The following CAPS2 variants were observed in gnomAD, a reference collection of about 807,000 sequenced individuals.
The protein encoded by CAPS2 is calcyphosin-2.
CAPS2 carries 98 observed loss-of-function variants against 86.5 expected under a neutral mutation model. The observed-to-expected ratio is 1.13, with a 90% CI of 0.96 to 1.34. The LOEUF is 1.34. Among genes scored for constraint, CAPS2 ranks in the 40% most tolerant of loss-of-function variants. The pLI is 0.00. For synonymous variants in CAPS2, 210 were observed against 225.1 expected (o/e 0.93, Z 0.60); for missense variants, 729 against 686.8 (o/e 1.06, Z -0.69).
chr12:75,389,428 T>A (rs760900392), intron 1 of CAPS2, among the ~76,000 whole-genome samples: 4 of 152,182 alleles, frequency 2.6e-5, no homozygotes, highest in Non-Finnish European at 4.4e-5. Flanking sequence ...GATGTGATGA[T>A]CACCTGTCAG....
intron 11 of CAPS2, among the ~76,000 whole-genome samples, chr12:75,297,795 T>C (rs528906197): frequency 6.6e-6 from 1 of 152,324 alleles, no homozygotes; most frequent in East Asian, 1.9e-4. Flanking sequence ...TTCCTTTTTG[T>C]TCTTAGAACA....
At chr12:75,351,544 TG>T (rs200403527) in intron 1 of CAPS2, among the ~76,000 whole-genome samples, 10 of 149,716 alleles carry the variant, frequency 6.7e-5, no homozygotes, top group African/African-American at 2.0e-4. Context: ...CACTCTGTTT[TG>T]TTTTGTTTTT....
intron 1 of CAPS2, chr12:75,370,669 A>T (rs2044303350): frequency 6.6e-6 from 1 of 152,388 alleles, no homozygotes; most frequent in Non-Finnish European, 1.5e-5. Flanking sequence ...AATTAACTAA[A>T]TTTTCAACCT....
intron 15 of CAPS2, among the ~76,000 whole-genome samples, chr12:75,283,772 C>G (rs1409080350): frequency 6.6e-6 from 1 of 152,112 alleles, no homozygotes; most frequent in Non-Finnish European, 1.5e-5. Flanking sequence ...CAAGATCACA[C>G]CACTGCCCTC....
At chr12:75,304,937 C>T (rs759063481) in intron 7 of CAPS2, 61 bp from the exon 8 acceptor site, 5 of 1,539,890 alleles carry the variant, frequency 3.2e-6, no homozygotes, top group East Asian at 2.3e-5. Flanking sequence ...TTAAAATTCA[C>T]ATATTTATAA....
At chr12:75,298,200 G>T (rs2037221564) in intron 11 of CAPS2, 1 of 158,992 alleles carries the variant, frequency 6.3e-6, no homozygotes, top group Non-Finnish European at 1.4e-5. Flanking sequence ...CCCATTCTAG[G>T]GAATCCTTGT....
intron 12 of CAPS2, among the ~76,000 whole-genome samples, chr12:75,292,972 G>C (rs2036259397): frequency 6.6e-6 from 1 of 151,216 alleles, no homozygotes; most frequent in Non-Finnish European, 1.5e-5. Flanking sequence ...GTAATACTTG[G>C]TAAAATAAAA....
At chr12:75,349,642 GACT>G (rs2042674826) in intron 1 of CAPS2, among the ~76,000 whole-genome samples, 1 of 152,012 alleles carries the variant, frequency 6.6e-6, no homozygotes, top group South Asian at 2.1e-4. Flanking sequence ...AAAAACAGAG[GACT>G]ACAATGTCTG....
At chr12:75,304,584 C>G (rs79692622) in intron 8 of CAPS2, among the ~76,000 whole-genome samples, 173 bp downstream of exon 8, 5 of 151,966 alleles carry the variant, frequency 3.3e-5, no homozygotes, top group African/African-American at 1.2e-4. Flanking sequence ...TAAGGTATTG[C>G]CCCTAATATC....
intron 15 of CAPS2, among the ~76,000 whole-genome samples, chr12:75,283,997 T>A (rs2034441601): frequency 6.6e-6 from 1 of 152,178 alleles, no homozygotes; most frequent in Non-Finnish European, 1.5e-5. Flanking sequence ...ATTTCTATTA[T>A]TTCAGTCATC....
At chr12:75,303,011 T>G (rs1195127969) in intron 8 of CAPS2, among the ~76,000 whole-genome samples, 1 of 152,190 alleles carries the variant, frequency 6.6e-6, no homozygotes, top group African/African-American at 2.4e-5. Context: ...GTCCAACAAT[T>G]CTACTTCTAA....
At chr12:75,289,696 C>T (rs774342958) in exon 14 of CAPS2, 41 of 1,613,170 alleles carry the variant, frequency 2.5e-5, no homozygotes, top group Non-Finnish European at 3.3e-5. Flanking sequence ...CATTTCCTTC[C>T]TTGTCCAACT....
intron 1 of CAPS2, among the ~76,000 whole-genome samples, chr12:75,375,557 C>T (rs539579502): frequency 1.3e-5 from 2 of 152,124 alleles, no homozygotes; most frequent in Admixed American, 6.6e-5. Context: ...AGGAGTTCTG[C>T]GTCTGAAAGT....
chr12:75,356,344 A>G (rs550976372), intron 1 of CAPS2, among the ~76,000 whole-genome samples: 1 of 152,266 alleles, frequency 6.6e-6, no homozygotes, highest in South Asian at 2.1e-4. Context: ...GGATAAATAT[A>G]TAAGATGTTT....
At chr12:75,340,371 G>A (rs889643279) in intron 1 of CAPS2, among the ~76,000 whole-genome samples, 1 of 151,412 alleles carries the variant, frequency 6.6e-6, no homozygotes, top group Admixed American at 6.6e-5. Flanking sequence ...TTCAAGAAAT[G>A]GTGTTGAAAC....
intron 1 of CAPS2, among the ~76,000 whole-genome samples, chr12:75,385,239 T>C (rs1376300539): frequency 6.6e-6 from 1 of 152,178 alleles, no homozygotes; most frequent in Non-Finnish European, 1.5e-5. Flanking sequence ...CAGTTTCAAG[T>C]ATTCTGTTAT....
At position 75,390,894 on chromosome 12, in the gene CAPS2, G is replaced by C. The variant is rs1219334401; in HGVS notation, c.-451C>G. 1.1e-5 allele frequency: 8 copies of C among 702,152 alleles called. No individual in the cohort carries two copies. In the Admixed American group the frequency reaches 1.6e-4, roughly 14 times the overall value. The allele number at this position is 702,152 out of a possible 1,614,324, so 43.5% of individuals were successfully genotyped here. A position where few individuals can be genotyped will look rare whatever the true frequency, so the allele number is the denominator to read the frequency against. The stretch of plus-strand genomic sequence containing the variant: ...ATCTATTACCAGCTTTCTTCACTCT[G>C]CAGGTCTAGCTTTCCCCTCCTCTCC... On this transcript the variant is annotated 5_prime_UTR_variant, in exon 1 of 6. Transcript: ENST00000551829.
chr12:75,383,228 C>T (rs773690624), intron 1 of CAPS2, among the ~76,000 whole-genome samples: 14 of 152,146 alleles, frequency 9.2e-5, no homozygotes, highest in East Asian at 3.9e-4. Flanking sequence ...CTGACAGATA[C>T]GAAAGATTGA....
At chr12:75,363,106 A>T in intron 1 of CAPS2, 1 of 1,539,440 alleles carries the variant, frequency 6.5e-7, no homozygotes, top group Non-Finnish European at 8.7e-7. Context: ...TTACAGAGGA[A>T]ATTTTGCAAA....
Sources: allele counts gnomAD v4.1 joint callset (sites outside exome capture counted in the v4.1 genomes callset), GRCh38; gene constraint gnomAD v4.1.1; transcripts MANE v1.5; gene names NCBI Gene and HGNC (gene_info 2026-07-23, HGNC 2026-07-21).